KCNK12: variants seen among roughly 807,000 people sequenced by gnomAD.
KCNK12 encodes the protein potassium channel subfamily K member 12.
Under a neutral mutation model 25.3 loss-of-function variants are expected in KCNK12, and 6 were observed. The ratio of observed to expected loss-of-function variants is 0.24; its 90% confidence interval spans 0.13 to 0.47. The LOEUF is 0.47. Ranked by LOEUF, KCNK12 falls within the 20% of genes least tolerant of loss-of-function variation. The probability of loss-of-function intolerance (pLI) is 0.99; values close to 1 mark genes in which losing one functional copy is unlikely to be tolerated. For missense variants in KCNK12, 444 were observed against 661.7 expected, an observed-to-expected ratio of 0.67 and a Z score of 3.61; for synonymous variants, 331 against 311.1, an observed-to-expected ratio of 1.06 and a Z score of -0.67.
chr2:47,535,374 C>G (rs562076389), intron 1 of KCNK12, among the ~76,000 whole-genome samples: 98 of 152,294 alleles, frequency 6.4e-4, no homozygotes, highest in African/African-American at 2.4e-3. Context: ...CCCAAAATGT[C>G]AAAGCACAAG....
Position 47,514,213 on chromosome 2 carries a change from G to A in KCNK12, c.*6694C>T, listed in dbSNP as rs1439049627. On this transcript the variant is annotated 3_prime_UTR_variant, in exon 2 of 2. Transcript: ENST00000327876. This position sits in a 1 kb window ranked among gnomAD's most constrained non-coding sequence, Gnocchi z 5.0. ...GGCTTGCTGCTCTCAGGCTCAGCATGGACAGCTGCTTCTGAGAGCCTTCTC... is the reference window on the plus strand; with the variant it reads ...GGCTTGCTGCTCTCAGGCTCAGCATAGACAGCTGCTTCTGAGAGCCTTCTC... 6.6e-6 allele frequency among the ~76,000 whole-genome samples: 1 copy of A among 152,206 alleles called. No individual in the cohort carries two copies. The highest frequency in any genetic ancestry group is 2.4e-5 in the African/African-American group (1 of 41,454).
rs550690744 is a variant in KCNK12 at position 47,560,190 on chromosome 2, T to A, written c.391+9751A>T. ...CCTGTCCATGCCCACTGCAGCTGTT[T>A]CCAGTGCAAGGCTGAGGGTTCTCAG... On this transcript the variant is annotated intron_variant, in intron 1 of 1. Coordinates refer to ENST00000327876, the MANE Select transcript of KCNK12 (RefSeq NM_022055.2). The surrounding 1 kb of genome is among the most constrained non-coding windows in gnomAD (Gnocchi z 4.7). Among the ~76,000 whole-genome samples the A allele has an allele frequency of 6.6e-6, 1 of 152,316 alleles. No homozygotes were observed. The highest frequency in any genetic ancestry group is 2.1e-4 in the South Asian group (1 of 4,822).
intron 1 of KCNK12, among the ~76,000 whole-genome samples, chr2:47,531,466 C>CTGTT (rs1424589259): frequency 6.6e-6 from 1 of 150,998 alleles, no homozygotes; most frequent in East Asian, 1.9e-4. Context: ...GAGCAAGACC[C>CTGTT]TGTTTAAAAA....
rs956620662 is a variant in KCNK12, at chr2:47,547,433, A to G, written c.391+22508T>C. Among the ~76,000 whole-genome samples the G allele has an allele frequency of 6.6e-6, 1 of 152,112 alleles. No homozygotes were observed. Among genetic ancestry groups the G allele is most frequent in the Admixed American group, 6.5e-5 (1 of 15,268 alleles). On this transcript the variant is annotated intron_variant, in intron 1 of 1. Coordinates refer to ENST00000327876, the MANE Select transcript of KCNK12 (RefSeq NM_022055.2). The surrounding 1 kb of genome is among the most constrained non-coding windows in gnomAD (Gnocchi z 5.0). ...AGCCAGGGTTGAGAACCACTCTCCTAGGTGATCTTTTCTTTTTCTTTTTGC... is the reference window on the plus strand; with the variant it reads ...AGCCAGGGTTGAGAACCACTCTCCTGGGTGATCTTTTCTTTTTCTTTTTGC...
At chr2:47,554,252 C>G (rs1347682922) in intron 1 of KCNK12, among the ~76,000 whole-genome samples, 1 of 141,032 alleles carries the variant, frequency 7.1e-6, no homozygotes, top group Non-Finnish European at 1.6e-5. Context: ...GGTCAGGGAA[C>G]AAACAAACAC....
intron 1 of KCNK12, among the ~76,000 whole-genome samples, chr2:47,558,105 A>G (rs902654973): frequency 1.3e-5 from 2 of 152,252 alleles, no homozygotes; most frequent in African/African-American, 4.8e-5. Context: ...CCATTCATTC[A>G]AATTTACATT....
chr2:47,570,144 G>T lies in KCNK12; in HGVS notation c.188C>A (p.Pro63His). ...GATVFSALESPGEAEARARWG... is the reference protein window; with the variant it reads ...GATVFSALESHGEAEARARWG... ...GCGCGCCCGCGCCTCCGCCTCGCCG[G>T]GGCTCTCGAGCGCCGAGAAGACTGT... Residue 63 changes from proline (P) to histidine (H), a missense_variant, in exon 1 of 2, where the codon CCC (proline) becomes CAC (histidine). Pro to His is a moderately conservative substitution (Grantham distance 77, BLOSUM62 -2). Around this residue, in one of 8 missense-constraint regions of KCNK12, gnomAD observed 106 missense variants for 142.2 expected, o/e 0.75. Coordinates refer to ENST00000327876, the MANE Select transcript of KCNK12 (RefSeq NM_022055.2). The T allele has an allele frequency of 6.9e-7, 1 of 1,457,816 alleles. No homozygotes were observed. The allele number at this position is 1,457,816 out of a possible 1,614,324, so 90.3% of individuals were successfully genotyped here.
intron 1 of KCNK12, among the ~76,000 whole-genome samples, chr2:47,539,803 G>A (rs897220073): frequency 2.0e-5 from 3 of 152,152 alleles, no homozygotes; most frequent in African/African-American, 7.2e-5. Flanking sequence ...GCCGCTTCCC[G>A]GGGAGGCCAA....
At chr2:47,559,205 A>C (rs541798901) in intron 1 of KCNK12, among the ~76,000 whole-genome samples, 16 of 152,308 alleles carry the variant, frequency 1.1e-4, no homozygotes, top group Admixed American at 6.5e-4. Flanking sequence ...ATGGAAACGC[A>C]CTGCCAGGGA....
chr2:47,528,285 C>T lies in KCNK12; in HGVS notation c.392-6477G>A, dbSNP rs1266378539. On this transcript the variant is annotated intron_variant, in intron 1 of 1. Transcript: ENST00000327876. This position sits in a 1 kb window ranked among gnomAD's most constrained non-coding sequence, Gnocchi z 4.5. ...GTCTCTCTGTGCCTGCTTTACTGCCCTTCGCTTTCCTACAGAGCACACTCA... is the reference window on the plus strand; with the variant it reads ...GTCTCTCTGTGCCTGCTTTACTGCCTTTCGCTTTCCTACAGAGCACACTCA... 2.0e-5 allele frequency: 3 copies of T among 152,434 alleles called. No homozygotes were observed. Among genetic ancestry groups the T allele is most frequent in the Non-Finnish European group, 4.4e-5 (3 of 68,210 alleles). 9.4% of individuals were successfully genotyped at this position (152,434 alleles called of 1,614,324 possible).
rs887421981 is a variant in KCNK12, at chr2:47,518,626, G to A, written c.*2281C>T. The stretch of plus-strand genomic sequence containing the variant: ...TTCTGTGTAGTCCTGCACGCTGGGC[G>A]GGGGATTGCCTGGAGGTTTCTTTAG... On this transcript the variant is annotated 3_prime_UTR_variant, in exon 2 of 2. Coordinates refer to ENST00000327876, the MANE Select transcript of KCNK12 (RefSeq NM_022055.2). The surrounding 1 kb of genome is among the most constrained non-coding windows in gnomAD (Gnocchi z 4.1). 2 of 152,326 alleles carry A rather than the reference G, an allele frequency of 1.3e-5. No homozygotes were observed. The highest frequency in any genetic ancestry group is 4.8e-5 in the African/African-American group (2 of 41,428). 9.4% of individuals were successfully genotyped at this position (152,326 alleles called of 1,614,324 possible). A position where few individuals can be genotyped will look rare whatever the true frequency, so the allele number is the denominator to read the frequency against.
At position 47,566,195 on chromosome 2, in the gene KCNK12, G is replaced by A. The variant is rs1037640500; in HGVS notation, c.391+3746C>T. 9 of 152,144 alleles carry A rather than the reference G, an allele frequency of 5.9e-5. No individual in the cohort carries two copies. Among genetic ancestry groups the A allele is most frequent in the African/African-American group, 1.9e-4 (8 of 41,422 alleles). The allele number at this position is 152,144 out of a possible 1,614,324, so 9.4% of individuals were successfully genotyped here. A position where few individuals can be genotyped will look rare whatever the true frequency, so the allele number is the denominator to read the frequency against. On this transcript the variant is annotated intron_variant, in intron 1 of 1. Coordinates refer to ENST00000327876, the MANE Select transcript of KCNK12 (RefSeq NM_022055.2). The surrounding 1 kb of genome is among the most constrained non-coding windows in gnomAD (Gnocchi z 4.1). ...CTGGTACCGCACTGTGTAGACACAC[G>A]TGTATCTACACGATTGCAAACTGCC... is the stretch of plus-strand genomic sequence containing the variant.
intron 1 of KCNK12, among the ~76,000 whole-genome samples, chr2:47,523,338 C>T (rs374859765): frequency 1.3e-5 from 2 of 152,156 alleles, no homozygotes; most frequent in Non-Finnish European, 2.9e-5. Flanking sequence ...CATTGGGTGC[C>T]GGCTCCTTCT....
At position 47,518,161 on chromosome 2, in the gene KCNK12, C is replaced by T. The variant is rs1668568094; in HGVS notation, c.*2746G>A. On this transcript the variant is annotated 3_prime_UTR_variant, in exon 2 of 2. Transcript: ENST00000327876. The surrounding 1 kb of genome is among the most constrained non-coding windows in gnomAD (Gnocchi z 4.1). ...CCTGCTTCAGGGAAGCAGTCCCTGTCGTCTGGGGCGCTGAGCCCTTTGGCC... is the reference window on the plus strand; with the variant it reads ...CCTGCTTCAGGGAAGCAGTCCCTGTTGTCTGGGGCGCTGAGCCCTTTGGCC... The T allele has an allele frequency of 6.6e-6, 1 of 152,246 alleles. No homozygotes were observed. Among genetic ancestry groups the T allele is most frequent in the Non-Finnish European group, 1.5e-5 (1 of 68,070 alleles). 9.4% of individuals were successfully genotyped at this position (152,246 alleles called of 1,614,324 possible).
intron 1 of KCNK12, among the ~76,000 whole-genome samples, chr2:47,549,070 A>G (rs1253080516): frequency 1.3e-5 from 2 of 152,156 alleles, no homozygotes; most frequent in East Asian, 1.9e-4. Context: ...GACCAAGGAA[A>G]ACAACTTCCA....
chr2:47,513,879 G>C lies in KCNK12; in HGVS notation c.*7028C>G, dbSNP rs1255073533. On this transcript the variant is annotated 3_prime_UTR_variant, in exon 2 of 2. Coordinates refer to ENST00000327876, the MANE Select transcript of KCNK12 (RefSeq NM_022055.2). ...CCCTCAAATCTCTCCACGTCTCTGT[G>C]TTCTCACTAGCACTACCTTGGTCCA... is the stretch of plus-strand genomic sequence containing the variant. Among the ~76,000 whole-genome samples the C allele has an allele frequency of 1.3e-5, 2 of 152,178 alleles. No individual in the cohort carries two copies. Among genetic ancestry groups the C allele is most frequent in the African/African-American group, 2.4e-5 (1 of 41,512 alleles).
chr2:47,514,024 C>A lies in KCNK12; in HGVS notation c.*6883G>T, dbSNP rs1668466237. Reference sequence around the variant, plus strand: ...CTCAGGATTAGGCGAAAAGTCTTTGCTTTGTTTTACAAGGCCCTTCGCTAT... The same window carrying A: ...CTCAGGATTAGGCGAAAAGTCTTTGATTTGTTTTACAAGGCCCTTCGCTAT... On this transcript the variant is annotated 3_prime_UTR_variant, in exon 2 of 2. Coordinates refer to ENST00000327876, the MANE Select transcript of KCNK12 (RefSeq NM_022055.2). The surrounding 1 kb of genome is among the most constrained non-coding windows in gnomAD (Gnocchi z 5.0). Among the ~76,000 whole-genome samples, 2 of 152,210 alleles carry A rather than the reference C, an allele frequency of 1.3e-5. No individual in the cohort carries two copies. Among genetic ancestry groups the A allele is most frequent in the Non-Finnish European group, 2.9e-5 (2 of 68,030 alleles).
In KCNK12 at chr2:47,515,126, C is replaced by A. The variant is rs1377873209; in HGVS notation, c.*5781G>T. ...ACCTGTGCCCATCACATAGCTGGGG[C>A]ACAGCTGGAGACCCCAACAGAGAGG... On this transcript the variant is annotated 3_prime_UTR_variant, in exon 2 of 2. Transcript: ENST00000327876. 6.6e-6 allele frequency among the ~76,000 whole-genome samples: 1 copy of A among 152,140 alleles called. No individual in the cohort carries two copies. Among genetic ancestry groups the A allele is most frequent in the African/African-American group, 2.4e-5 (1 of 41,426 alleles).
chr2:47,530,200 G>T (rs1170814379), intron 1 of KCNK12, among the ~76,000 whole-genome samples: 1 of 152,196 alleles, frequency 6.6e-6, no homozygotes, highest in Non-Finnish European at 1.5e-5. Context: ...TGGGAGATGG[G>T]GGAGGGCTGT....
Sources: allele counts gnomAD v4.1 joint callset (sites outside exome capture counted in the v4.1 genomes callset), GRCh38; gene constraint gnomAD v4.1.1; regional missense constraint gnomAD v4.1.1; non-coding constraint Gnocchi (gnomAD v3.1); transcripts MANE v1.5; gene names NCBI Gene and HGNC (gene_info 2026-07-23, HGNC 2026-07-21).